PDSS2: variants seen among roughly 807,000 people sequenced by gnomAD.
PDSS2 encodes decaprenyl diphosphate synthase subunit 2.
In PDSS2, 31 loss-of-function variants were observed where a neutral mutation model predicts 44.5. The observed-to-expected ratio is 0.70, with a 90% confidence interval of 0.52 to 0.94. The LOEUF (loss-of-function observed/expected upper bound fraction) is 0.94. Among genes scored for constraint, PDSS2 ranks in the 40% least tolerant of loss-of-function variants. The pLI is 0.00. For synonymous variants in PDSS2, 157 were observed against 180.3 expected (o/e 0.87, Z 1.03); for missense variants, 452 against 482.2 (o/e 0.94, Z 0.59).
At chr6:107,402,099 T>C (rs979831513) in intron 1 of PDSS2, among the ~76,000 whole-genome samples, 37 of 152,082 alleles carry the variant, frequency 2.4e-4, no homozygotes, top group Admixed American at 9.2e-4. Context: ...GTCAACATGA[T>C]GAAACCCCAT....
chr6:107,186,665 T>C (rs75827701), intron 7 of PDSS2, among the ~76,000 whole-genome samples: 1 of 152,012 alleles, frequency 6.6e-6, no homozygotes, highest in African/African-American at 2.4e-5. Context: ...TGTGTCCATG[T>C]GTTCTCATTG....
chr6:107,238,830 C>T (rs751839780), intron 4 of PDSS2, among the ~76,000 whole-genome samples: 3 of 152,100 alleles, frequency 2.0e-5, no homozygotes, highest in Non-Finnish European at 4.4e-5. Context: ...TTTCTCAGGA[C>T]AGTAATCCTT....
chr6:107,438,349 C>T (rs1172315528), intron 1 of PDSS2, among the ~76,000 whole-genome samples: 1 of 152,106 alleles, frequency 6.6e-6, no homozygotes. Context: ...GCTGGAATTA[C>T]AAGCATGCAC....
intron 1 of PDSS2, among the ~76,000 whole-genome samples, chr6:107,419,164 C>T (rs1780751701): frequency 6.6e-6 from 1 of 152,026 alleles, no homozygotes; most frequent in African/African-American, 2.4e-5. Context: ...GCGTTGAGAA[C>T]CACTGCTCTA....
intron 1 of PDSS2, among the ~76,000 whole-genome samples, chr6:107,342,472 C>T (rs376695645): frequency 4.6e-5 from 7 of 152,098 alleles, no homozygotes; most frequent in African/African-American, 1.4e-4. Flanking sequence ...GTTATTTTGA[C>T]GTTGTATTTT....
intron 1 of PDSS2, among the ~76,000 whole-genome samples, chr6:107,382,501 G>C (rs1779483321): frequency 3.3e-5 from 5 of 152,162 alleles, no homozygotes; most frequent in Admixed American, 3.3e-4. Context: ...ATAAGGGACA[G>C]ACAAACAGAT....
intron 1 of PDSS2, among the ~76,000 whole-genome samples, chr6:107,365,803 G>T (rs1419455745): frequency 6.6e-6 from 1 of 151,898 alleles, no homozygotes; most frequent in East Asian, 1.9e-4. Flanking sequence ...TAATCATAAA[G>T]GTTTATCATA....
At chr6:107,312,578 G>A (rs1381450522) in intron 2 of PDSS2, among the ~76,000 whole-genome samples, 1 of 152,160 alleles carries the variant, frequency 6.6e-6, no homozygotes, top group African/African-American at 2.4e-5. Flanking sequence ...AGGTTGTTGT[G>A]ATGATTCAGT....
chr6:107,160,362 G>A (rs1476797558), intron 7 of PDSS2, among the ~76,000 whole-genome samples: 1 of 152,114 alleles, frequency 6.6e-6, no homozygotes, highest in Admixed American at 6.6e-5. Context: ...AACTGAAAGA[G>A]ATTCTAAAAG....
intron 2 of PDSS2, among the ~76,000 whole-genome samples, chr6:107,326,669 C>G (rs113231460): frequency 0.16 from 24,318 of 151,386 alleles, 2,101 homozygotes; most frequent in South Asian, 0.21. Context: ...CTGGCCAACA[C>G]GGTGAAACCC....
intron 1 of PDSS2, among the ~76,000 whole-genome samples, chr6:107,402,451 C>CACATATATATATGTAT (rs1780140882): frequency 1.2e-4 from 1 of 8,120 alleles, no homozygotes; most frequent in Non-Finnish European, 2.6e-4. Flanking sequence ...CACACACACA[C>CACATATATATATGTAT]ACATATATAT....
At position 107,205,513 on chromosome 6, in the gene PDSS2, C is replaced by T. The variant is rs1376654923; in HGVS notation, c.1008+4926G>A. ...TAACTGAGTAATGACTTCACCTCCC[C>T]AGGGTGAATAACCCATTCACTAACA... is the stretch of plus-strand genomic sequence containing the variant. On this transcript the variant is annotated intron_variant, in intron 6 of 7. Transcript: ENST00000369037. Among the ~76,000 whole-genome samples the T allele has an allele frequency of 5.9e-5, 9 of 152,274 alleles. No individual in the cohort carries two copies. The South Asian group carries it at 1.7e-3, about 28-fold the overall frequency.
At chr6:107,274,366 T>C in intron 2 of PDSS2, 139 bp from the exon 3 acceptor site, 2 of 711,974 alleles carry the variant, frequency 2.8e-6, no homozygotes, top group Non-Finnish European at 5.0e-6. Flanking sequence ...CTAATGAATC[T>C]TTAAATAGAG....
At chr6:107,412,853 T>C (rs319065) in intron 1 of PDSS2, among the ~76,000 whole-genome samples, 110,285 of 152,042 alleles carry the variant, frequency 0.73, 40,440 homozygotes, top group Middle Eastern at 0.8. Context: ...ACATAAAGGA[T>C]CTAATGTTCT....
chr6:107,396,715 G>C (rs527295616), intron 1 of PDSS2, among the ~76,000 whole-genome samples: 143 of 140,116 alleles, frequency 1.0e-3, no homozygotes, highest in Non-Finnish European at 4.4e-4. Context: ...CAGGGACAGG[G>C]TCTTGCTCTG....
At chr6:107,266,007 C>T (rs1775401161) in intron 3 of PDSS2, among the ~76,000 whole-genome samples, 1 of 152,108 alleles carries the variant, frequency 6.6e-6, no homozygotes, top group Admixed American at 6.6e-5. Flanking sequence ...ATATTTATCG[C>T]CACCTCCTCC....
At chr6:107,328,647 T>C (rs1441142598) in intron 2 of PDSS2, among the ~76,000 whole-genome samples, 1 of 152,156 alleles carries the variant, frequency 6.6e-6, no homozygotes, top group African/African-American at 2.4e-5. Context: ...CAGAGAAACA[T>C]TTACCAAACT....
In PDSS2 at chr6:107,398,670, C is replaced by T. The variant is rs113738794; in HGVS notation, c.296+60320G>A. On this transcript the variant is annotated intron_variant, in intron 1 of 7. Transcript: ENST00000369037. ...TACTGCCATAGCATTTAGCAAATAC[C>T]TAGTGGAGAAAAATAAGTCTGCGAA... Among the ~76,000 whole-genome samples the T allele has an allele frequency of 3.8e-3, 582 of 152,308 alleles. 1 individual carries two copies. Among genetic ancestry groups the T allele is most frequent in the Non-Finnish European group, 4.7e-3 (321 of 68,022 alleles).
At chr6:107,433,450 C>A (rs1311855424) in intron 1 of PDSS2, among the ~76,000 whole-genome samples, 1 of 152,062 alleles carries the variant, frequency 6.6e-6, no homozygotes, top group East Asian at 1.9e-4. Context: ...ATAGAGAACC[C>A]AGAAATAAAT....
Sources: allele counts gnomAD v4.1 joint callset (sites outside exome capture counted in the v4.1 genomes callset), GRCh38; gene constraint gnomAD v4.1.1; transcripts MANE v1.5; gene names NCBI Gene and HGNC (gene_info 2026-07-23, HGNC 2026-07-21).